Variants in CTIF observed in about 807,000 individuals in gnomAD.
CTIF encodes the protein CBP80/20-dependent translation initiation factor.
Under a neutral mutation model 66.0 loss-of-function variants are expected in CTIF, and 21 were observed. The observed-to-expected ratio is 0.32, with a 90% CI of 0.23 to 0.46. The LOEUF (loss-of-function observed/expected upper bound fraction) is 0.46. CTIF is among the 20% of genes least tolerant of loss of function. The probability of loss-of-function intolerance (pLI) is 1.00; values close to 1 mark genes in which losing one functional copy is unlikely to be tolerated. For missense variants in CTIF, 739 were observed against 812.7 expected, an observed-to-expected ratio of 0.91 and a Z score of 1.10; for synonymous variants, 345 against 326.4, an observed-to-expected ratio of 1.06 and a Z score of -0.62.
intron 10 of CTIF, among the ~76,000 whole-genome samples, chr18:48,838,676 G>C (rs939728819): frequency 6.6e-6 from 1 of 152,200 alleles, no homozygotes; most frequent in African/African-American, 2.4e-5. Context: ...CTTCACTTAG[G>C]CACTGTGTTC....
At chr18:48,737,684 A>G (rs559718803) in intron 7 of CTIF, among the ~76,000 whole-genome samples, 32 of 152,360 alleles carry the variant, frequency 2.1e-4, no homozygotes, top group Admixed American at 6.5e-4. Context: ...AAAGACAGAT[A>G]GAAATATATA....
intron 6 of CTIF, among the ~76,000 whole-genome samples, chr18:48,686,798 T>C (rs750351256): frequency 6.6e-6 from 1 of 152,168 alleles, no homozygotes; most frequent in Non-Finnish European, 1.5e-5. Context: ...TCCTCGGAGA[T>C]TTGCAGCCTC....
intron 9 of CTIF, among the ~76,000 whole-genome samples, chr18:48,784,848 C>T (rs1911564755): frequency 6.6e-6 from 1 of 152,210 alleles, no homozygotes; most frequent in Non-Finnish European, 1.5e-5. Context: ...CATGTATGCA[C>T]ATTCATGCAC....
intron 9 of CTIF, among the ~76,000 whole-genome samples, chr18:48,806,562 G>A (rs919664374): frequency 6.6e-6 from 1 of 152,148 alleles, no homozygotes; most frequent in African/African-American, 2.4e-5. Context: ...GATTGGTAGG[G>A]GCTGCCCATC....
At chr18:48,574,134 G>T (rs998951087) in intron 1 of CTIF, among the ~76,000 whole-genome samples, 7 of 152,198 alleles carry the variant, frequency 4.6e-5, no homozygotes, top group Non-Finnish European at 7.3e-5. Flanking sequence ...CTTCCTGCCG[G>T]GGCGGCTTCC....
intron 1 of CTIF, among the ~76,000 whole-genome samples, chr18:48,612,288 G>A (rs944115305): frequency 2.6e-5 from 4 of 152,306 alleles, no homozygotes; most frequent in South Asian, 2.1e-4. Context: ...TGGCTTCCTC[G>A]GGGAGAGCCT....
chr18:48,618,297 G>A (rs954742791), intron 1 of CTIF, among the ~76,000 whole-genome samples: 11 of 152,244 alleles, frequency 7.2e-5, no homozygotes, highest in Admixed American at 2.0e-4. Flanking sequence ...ATTACTGGCA[G>A]CAGCATTCAC....
At chr18:48,658,889 T>C (rs2091291177) in intron 3 of CTIF, among the ~76,000 whole-genome samples, 1 of 152,228 alleles carries the variant, frequency 6.6e-6, no homozygotes, top group East Asian at 1.9e-4. Context: ...GAAGGACATG[T>C]GAAAACGTTG....
chr18:48,762,483 G>A (rs1007544250), intron 9 of CTIF, among the ~76,000 whole-genome samples: 31 of 152,258 alleles, frequency 2.0e-4, no homozygotes, highest in African/African-American at 7.0e-4. Context: ...AGGGTCATGG[G>A]ATGGTGGCCA....
chr18:48,703,144 A>G (rs1226213952), intron 6 of CTIF, among the ~76,000 whole-genome samples: 4 of 152,126 alleles, frequency 2.6e-5, no homozygotes. Context: ...GATCTGCCCT[A>G]CCTCCATGGG....
intron 1 of CTIF, among the ~76,000 whole-genome samples, chr18:48,563,139 T>A (rs2089200065): frequency 6.6e-6 from 1 of 152,214 alleles, no homozygotes; most frequent in Non-Finnish European, 1.5e-5. Flanking sequence ...GCTCCCTGTT[T>A]GCAGATTAGT....
chr18:48,554,244 G>C (rs2088962267), intron 1 of CTIF, among the ~76,000 whole-genome samples: 3 of 152,238 alleles, frequency 2.0e-5, no homozygotes, highest in Admixed American at 6.5e-5. Flanking sequence ...ATTTAAGCAA[G>C]AGAAACCAGT....
At position 48,859,740 on chromosome 18, in the gene CTIF, C is replaced by T. The variant is rs1271342245; in HGVS notation, c.*181C>T. ...GGGAGCAAATCCCTGAGAGGAGTGC[C>T]CCCGCACAAGCCCCCCAGCCCGAGC... is the stretch of plus-strand genomic sequence containing the variant. On this transcript the variant is annotated 3_prime_UTR_variant, in exon 12 of 12. Coordinates refer to ENST00000256413, the MANE Select transcript of CTIF (RefSeq NM_014772.3). 7.1e-6 allele frequency: 5 copies of T among 701,062 alleles called. No homozygotes were observed. Among genetic ancestry groups the T allele is most frequent in the Non-Finnish European group, 1.3e-5 (5 of 385,842 alleles). 43.4% of individuals were successfully genotyped at this position (701,062 alleles called of 1,614,324 possible).
At chr18:48,592,565 A>G (rs1709255563) in intron 1 of CTIF, among the ~76,000 whole-genome samples, 1 of 152,110 alleles carries the variant, frequency 6.6e-6, no homozygotes, top group African/African-American at 2.4e-5. Flanking sequence ...CATGTGGGCA[A>G]GGAGTGGATG....
At chr18:48,732,112 C>A (rs2092461870) in intron 7 of CTIF, among the ~76,000 whole-genome samples, 1 of 152,222 alleles carries the variant, frequency 6.6e-6, no homozygotes. Flanking sequence ...GGAGACCATG[C>A]TGCAGCAGTG....
At chr18:48,804,450 G>A (rs763101808) in intron 9 of CTIF, among the ~76,000 whole-genome samples, 105 of 152,340 alleles carry the variant, frequency 6.9e-4, no homozygotes, top group African/African-American at 2.2e-3. Context: ...TGGCCAGGAC[G>A]TGGCATGATG....
At chr18:48,578,048 A>G (rs184882316) in intron 1 of CTIF, among the ~76,000 whole-genome samples, 2 of 152,338 alleles carry the variant, frequency 1.3e-5, no homozygotes, top group Admixed American at 6.5e-5. Context: ...TATTCTGGAC[A>G]TTTTATAAAC....
intron 6 of CTIF, among the ~76,000 whole-genome samples, chr18:48,704,485 T>A (rs1005922406): frequency 6.6e-6 from 1 of 152,184 alleles, no homozygotes; most frequent in Non-Finnish European, 1.5e-5. Context: ...GGGGCCGCCA[T>A]AACAAAGGAC....
intron 1 of CTIF, among the ~76,000 whole-genome samples, chr18:48,559,111 T>A (rs535330278): frequency 6.6e-6 from 1 of 152,340 alleles, no homozygotes; most frequent in South Asian, 2.1e-4. Flanking sequence ...ATTTGGATAT[T>A]TGAAATCAGA....
Sources: allele counts gnomAD v4.1 joint callset (sites outside exome capture counted in the v4.1 genomes callset), GRCh38; gene constraint gnomAD v4.1.1; transcripts MANE v1.5; gene names NCBI Gene and HGNC (gene_info 2026-07-23, HGNC 2026-07-21).